The following CACNA1B variants were observed in gnomAD, a reference collection of about 807,000 sequenced individuals.
CACNA1B encodes the protein calcium voltage-gated channel subunit alpha1 B, also known as voltage-dependent N-type calcium channel subunit alpha-1B.
CACNA1B carries 70 observed loss-of-function variants against 247.2 expected under a neutral mutation model. That is an observed-to-expected ratio of 0.28 (90% CI 0.23 to 0.35). The LOEUF (loss-of-function observed/expected upper bound fraction) is 0.35, where lower values mean the gene tolerates loss of function less well. Ranked by LOEUF, CACNA1B falls within the 10% of genes least tolerant of loss-of-function variation. The pLI is 1.00. For synonymous variants in CACNA1B, 1,231 were observed against 1,294.4 expected, an observed-to-expected ratio of 0.95 and a Z score of 1.05; for missense variants, 2,367 against 3,197.4, an observed-to-expected ratio of 0.74 and a Z score of 6.26.
In CACNA1B at chr9:138,078,207, T is replaced by C; in HGVS notation, c.5043T>C (p.Ser1681=). The part of the protein sequence containing the change: ...DEQANATECG[S]DFAYFYFVSF... ...AGGCCAATGCCACCGAGTGTGGAAG[T>C]GACTTTGCCTACTTCTACTTCGTCT... is the stretch of plus-strand genomic sequence containing the variant. The change falls in exon 36 of 47, where the codon AGT becomes AGC. Residue 1681 remains serine, a synonymous_variant. Transcript: ENST00000371372. The C allele has an allele frequency of 1.9e-6, 3 of 1,613,988 alleles. No individual in the cohort carries two copies. The highest frequency in any genetic ancestry group is 2.2e-5 in the South Asian group (2 of 91,080).
Position 138,010,225 on chromosome 9 carries a change from G to T in CACNA1B, c.2160+148G>T. On this transcript the variant is annotated intron_variant, in intron 17 of 46. Transcript: ENST00000371372. The surrounding 1 kb of genome is among the most constrained non-coding windows in gnomAD (Gnocchi z 5.3). ...GCAGAGGCTGGTCTGTCACTCAGGG[G>T]CTGGAGGCTGGAGCTGAGGATGCAG... 2 of 642,902 alleles carry T rather than the reference G, an allele frequency of 3.1e-6. No individual in the cohort carries two copies. Among genetic ancestry groups the T allele is most frequent in the South Asian group, 3.8e-5 (2 of 53,238 alleles). 39.8% of individuals were successfully genotyped at this position (642,902 alleles called of 1,614,324 possible).
chr9:137,917,257 T>C lies in CACNA1B; in HGVS notation c.792T>C (p.Gly264=). The C allele has an allele frequency of 6.2e-7, 1 of 1,613,152 alleles. No individual in the cohort carries two copies. The highest frequency in any genetic ancestry group is 8.5e-7 in the Non-Finnish European group (1 of 1,179,466). The change falls in exon 6 of 47, where the codon GGT becomes GGC. Residue 264 remains glycine (G), a synonymous_variant. Coordinates refer to ENST00000371372, the MANE Select transcript of CACNA1B (RefSeq NM_000718.4). This position sits in a 1 kb window ranked among gnomAD's most constrained non-coding sequence, Gnocchi z 5.5. ...TTCTTGCAGATGCGGAGCCCGTGGG[T>C]GACTTCCCCTGTGGCAAGGAGGCCC... ...FPNSTDAEPV[G]DFPCGKEAPA...
At chr9:138,084,754 A>ATCCTG (rs1220422554) in intron 36 of CACNA1B, among the ~76,000 whole-genome samples, 1 of 151,132 alleles carries the variant, frequency 6.6e-6, no homozygotes, top group Non-Finnish European at 1.5e-5. Context: ...GATCAAGACC[A>ATCCTG]TCCTGGCTAA....
rs1204622783 is a variant in CACNA1B, at chr9:138,100,379, A to G, written c.5223-2332A>G. 6.6e-6 allele frequency among the ~76,000 whole-genome samples: 1 copy of G among 151,994 alleles called. No homozygotes were observed. The highest frequency in any genetic ancestry group is 1.5e-5 in the Non-Finnish European group (1 of 67,998). ...TGATGGTGTCAGGCCCACACTTTCC[A>G]CCTGGGCTTGATGGGCAGGGACAGC... is the stretch of plus-strand genomic sequence containing the variant. On this transcript the variant is annotated intron_variant, in intron 37 of 46. Transcript: ENST00000371372. The surrounding 1 kb of genome is among the most constrained non-coding windows in gnomAD (Gnocchi z 4.6).
At chr9:138,048,999 T>C (rs1174640631) in intron 23 of CACNA1B, among the ~76,000 whole-genome samples, 1 of 152,240 alleles carries the variant, frequency 6.6e-6, no homozygotes, top group Non-Finnish European at 1.5e-5. Flanking sequence ...ATTTCAGGCA[T>C]AAGCCACCAT....
chr9:138,116,846 G>A (rs1961884662), intron 42 of CACNA1B, among the ~76,000 whole-genome samples: 1 of 152,188 alleles, frequency 6.6e-6, no homozygotes, highest in African/African-American at 2.4e-5. Context: ...GCCGCTCTGT[G>A]CCTGGTGCCA....
intron 19 of CACNA1B, 86 bp downstream of exon 19, chr9:138,023,897 A>T (rs891672934): frequency 2.9e-6 from 2 of 693,322 alleles, no homozygotes; most frequent in African/African-American, 3.8e-5. Flanking sequence ...CATGGGGTCC[A>T]CGGCGGAGGC....
In CACNA1B at chr9:138,123,013, A is replaced by G. The variant is rs1435953272; in HGVS notation, c.*1014A>G. The G allele has an allele frequency of 1.3e-5, 2 of 152,272 alleles. No individual in the cohort carries two copies. The highest frequency in any genetic ancestry group is 2.9e-5 in the Non-Finnish European group (2 of 68,066). 9.4% of individuals were successfully genotyped at this position (152,272 alleles called of 1,614,324 possible). A position where few individuals can be genotyped will look rare whatever the true frequency, so the allele number is the denominator to read the frequency against. On this transcript the variant is annotated 3_prime_UTR_variant, in exon 47 of 47. Coordinates refer to ENST00000371372, the MANE Select transcript of CACNA1B (RefSeq NM_000718.4). ...TTGCTGTCCTCCTCCCACGAGTGGA[A>G]GGGGTTTCCAAGGAAGCCACAGGGC...
intron 6 of CACNA1B, among the ~76,000 whole-genome samples, chr9:137,930,095 C>T (rs772649363): frequency 2.0e-5 from 3 of 152,148 alleles, no homozygotes; most frequent in Non-Finnish European, 4.4e-5. Context: ...CCGCATGCAG[C>T]CATTGTTGAG....
At chr9:137,962,085 A>G (rs1019967215) in intron 10 of CACNA1B, among the ~76,000 whole-genome samples, 1 of 152,110 alleles carries the variant, frequency 6.6e-6, no homozygotes, top group Non-Finnish European at 1.5e-5. Flanking sequence ...CAGGGATTCA[A>G]TTTATTCCTG....
chr9:137,999,626 C>T (rs143814685), intron 15 of CACNA1B, among the ~76,000 whole-genome samples: 25 of 152,302 alleles, frequency 1.6e-4, no homozygotes, highest in African/African-American at 5.8e-4. Flanking sequence ...CCTCCCACCT[C>T]AGTCTCCCAA....
chr9:137,924,204 C>CT (rs903809690), intron 6 of CACNA1B, among the ~76,000 whole-genome samples: 168 of 144,782 alleles, frequency 1.2e-3, no homozygotes, highest in East Asian at 9.7e-3. Flanking sequence ...TGAAGATTTT[C>CT]TTTTTTTTTT....
Position 138,058,796 on chromosome 9 carries a change from G to A in CACNA1B, c.4473+63G>A, listed in dbSNP as rs1394629090. ...CTAGGGATTGGGATCTAACCCTGAGGCTGAGTGGAGAGTCAGCCTTCTTCC... is the reference window on the plus strand; with the variant it reads ...CTAGGGATTGGGATCTAACCCTGAGACTGAGTGGAGAGTCAGCCTTCTTCC... On this transcript the variant is annotated intron_variant, in intron 29 of 46. Coordinates refer to ENST00000371372, the MANE Select transcript of CACNA1B (RefSeq NM_000718.4). This position sits in a 1 kb window ranked among gnomAD's most constrained non-coding sequence, Gnocchi z 4.7. The A allele has an allele frequency of 5.5e-6, 8 of 1,443,538 alleles. No homozygotes were observed. The highest frequency in any genetic ancestry group is 7.6e-6 in the Non-Finnish European group (8 of 1,053,590). The allele number at this position is 1,443,538 out of a possible 1,614,324, so 89.4% of individuals were successfully genotyped here.
intron 19 of CACNA1B, 77 bp from the exon 20 acceptor site, chr9:138,024,878 C>T (rs1359311402): frequency 9.8e-7 from 1 of 1,017,346 alleles, no homozygotes; most frequent in Admixed American, 2.0e-5. Context: ...AAGTGATCCT[C>T]CTGCCTCTGC....
Position 138,115,600 on chromosome 9 carries a change from A to T in CACNA1B, c.5698A>T (p.Thr1900Ser). 1 of 1,613,732 alleles carries T rather than the reference A, an allele frequency of 6.2e-7. No individual in the cohort carries two copies. Among genetic ancestry groups the T allele is most frequent in the Non-Finnish European group, 8.5e-7 (1 of 1,179,784 alleles). The change falls in exon 42 of 47, where the codon ACA becomes TCA. Residue 1900 changes from threonine (T) to serine (S), a missense_variant. By Grantham distance (58) the Thr-to-Ser change is moderately conservative. Around this residue, in one of 12 missense-constraint regions of CACNA1B, gnomAD observed 773 missense variants for 779.4 expected, o/e 0.99. Coordinates refer to ENST00000371372, the MANE Select transcript of CACNA1B (RefSeq NM_000718.4). Reference sequence around the variant, plus strand: ...CCCTCTGAAGGCCACCCTGGAGCAGACACAGCCGGCTGTGCTCCGAGGAGC... The same window carrying T: ...CCCTCTGAAGGCCACCCTGGAGCAGTCACAGCCGGCTGTGCTCCGAGGAGC... ...FHPLKATLEQ[T>S]QPAVLRGARV... is the part of the protein sequence containing the mutation.
chr9:138,114,702 G>T (rs1391330118), intron 41 of CACNA1B, among the ~76,000 whole-genome samples: 1 of 152,216 alleles, frequency 6.6e-6, no homozygotes, highest in Non-Finnish European at 1.5e-5. Flanking sequence ...GTACTGGGCA[G>T]CTCCTGACAT....
intron 44 of CACNA1B, among the ~76,000 whole-genome samples, chr9:138,119,181 G>A (rs534606579): frequency 3.9e-4 from 60 of 152,184 alleles, no homozygotes; most frequent in Non-Finnish European, 5.9e-4. Context: ...TCCCGCCCGT[G>A]GTTCTGCGGA....
In CACNA1B at chr9:138,024,964, C is replaced by G. The variant is rs1276740002; in HGVS notation, c.3078C>G (p.His1026Gln). The G allele has an allele frequency of 6.3e-7, 1 of 1,577,270 alleles. No homozygotes were observed. Among genetic ancestry groups the G allele is most frequent in the Non-Finnish European group, 8.6e-7 (1 of 1,161,346 alleles). The change falls in exon 20 of 47, where the codon CAC becomes CAG. Residue 1026 changes from histidine to glutamine, a missense_variant. Around this residue, in one of 12 missense-constraint regions of CACNA1B, gnomAD observed 631 missense variants for 631.1 expected, o/e 1.00. Transcript: ENST00000371372. ...ACATTCTTGATTGCAGGGAGCCACA[C>G]TGTGACCTGGAGACCAGTGGGACTG... is the stretch of plus-strand genomic sequence containing the variant. Reference protein sequence around the residue: ...ELRNHQPREPHCDLETSGTVT... With the variant: ...ELRNHQPREPQCDLETSGTVT...
intron 31 of CACNA1B, among the ~76,000 whole-genome samples, chr9:138,060,006 A>T (rs1311727335): frequency 6.6e-6 from 1 of 152,244 alleles, no homozygotes; most frequent in East Asian, 1.9e-4. Context: ...ACAACTAATC[A>T]AGAAGATGTG....
Sources: gnomAD v4.1 joint callset for allele counts (sites outside exome capture counted in the v4.1 genomes callset) on GRCh38, gnomAD v4.1.1 for gene constraint, gnomAD v4.1.1 regional missense constraint, Gnocchi (gnomAD v3.1) non-coding constraint, MANE v1.5 for transcripts, NCBI Gene and HGNC (gene_info 2026-07-23, HGNC 2026-07-21) for gene names.